WARS2: variants seen among roughly 807,000 people sequenced by gnomAD.
WARS2 encodes the protein tryptophan--tRNA ligase, mitochondrial.
In WARS2, 28 loss-of-function variants were observed where a neutral mutation model predicts 36.5. The observed-to-expected ratio is 0.77, with a 90% CI of 0.57 to 1.05. WARS2 has a LOEUF of 1.05. Ranked by LOEUF, WARS2 falls within the 50% of genes least tolerant of loss-of-function variation. The pLI, the probability that WARS2 is intolerant of heterozygous loss-of-function variation, is 0.00. For missense variants in WARS2, 435 were observed against 456.8 expected (o/e 0.95, Z 0.44); for synonymous variants, 174 against 178.4 (o/e 0.98, Z 0.20).
At chr1:119,066,200 G>A (rs1309667202) in intron 2 of WARS2, among the ~76,000 whole-genome samples, 2 of 152,030 alleles carry the variant, frequency 1.3e-5, no homozygotes, top group Admixed American at 1.3e-4. Context: ...CTACAAGGCT[G>A]GGTGCGGTGG....
chr1:119,049,285 G>A (rs2101145964), intron 2 of WARS2, among the ~76,000 whole-genome samples: 1 of 152,182 alleles, frequency 6.6e-6, no homozygotes, highest in South Asian at 2.1e-4. Flanking sequence ...AACTCCAGGG[G>A]AAAACCATCT....
At chr1:119,140,341 C>G (rs980481600) in intron 1 of WARS2, 6 of 403,522 alleles carry the variant, frequency 1.5e-5, no homozygotes, top group Non-Finnish European at 2.6e-5. Flanking sequence ...GAAAGCGGCG[C>G]GCTTTTTCCA....
intron 1 of WARS2, among the ~76,000 whole-genome samples, chr1:119,113,031 G>T (rs756716447): frequency 6.6e-6 from 1 of 152,188 alleles, no homozygotes. Flanking sequence ...TGATGAGGTT[G>T]AAACATAGTT....
chr1:119,084,997 T>C, intron 1 of WARS2: 1 of 588,906 alleles, frequency 1.7e-6, no homozygotes, highest in Non-Finnish European at 3.1e-6. Flanking sequence ...CTGAACAGTC[T>C]TCAGTGACGC....
In WARS2 at chr1:119,076,419, C is replaced by T. The variant is rs1429638438; in HGVS notation, c.279G>A (p.Leu93=). The part of the protein sequence containing the change: ...QDPAVLRQSI[L]DMTAVLLACG... ...AGGCAAGAAGAACAGCAGTCATGTC[C>T]AGGATGCTCTGCCGAAGGACAGCTG... Residue 93 remains leucine, a synonymous_variant, in exon 2 of 6, where the codon CTG becomes CTA. Coordinates refer to ENST00000235521, the MANE Select transcript of WARS2 (RefSeq NM_015836.4). The T allele has an allele frequency of 6.2e-7, 1 of 1,614,078 alleles. No individual in the cohort carries two copies. The highest frequency in any genetic ancestry group is 1.3e-5 in the African/African-American group (1 of 75,004).
intron 1 of WARS2, among the ~76,000 whole-genome samples, chr1:119,138,840 G>A (rs1656714847): frequency 6.6e-6 from 1 of 152,078 alleles, no homozygotes; most frequent in Admixed American, 6.5e-5. Context: ...TCTACATCTT[G>A]AAACAATCTA....
intron 2 of WARS2, among the ~76,000 whole-genome samples, chr1:119,067,608 G>T (rs1213632319): frequency 6.6e-6 from 1 of 152,160 alleles, no homozygotes; most frequent in Non-Finnish European, 1.5e-5. Context: ...ATATCAAGGA[G>T]CCTAGGGTGG....
intron 2 of WARS2, among the ~76,000 whole-genome samples, chr1:119,065,834 A>G (rs1650797738): frequency 6.6e-6 from 1 of 152,126 alleles, no homozygotes; most frequent in East Asian, 1.9e-4. Context: ...AATAAATTAG[A>G]ATTTTAGAAA....
chr1:119,130,510 A>G (rs1656024350), intron 1 of WARS2, among the ~76,000 whole-genome samples: 1 of 152,238 alleles, frequency 6.6e-6, no homozygotes, highest in South Asian at 2.1e-4. Flanking sequence ...AAATTGTTGA[A>G]ATAAAATTGG....
chr1:119,067,393 T>C (rs1650963615), intron 2 of WARS2, among the ~76,000 whole-genome samples: 1 of 152,232 alleles, frequency 6.6e-6, no homozygotes, highest in Non-Finnish European at 1.5e-5. Flanking sequence ...ATGAAGCAAG[T>C]ATGCCAAAAG....
At chr1:119,127,215 G>T in intron 1 of WARS2, 1 of 733,998 alleles carries the variant, frequency 1.4e-6, no homozygotes, top group Non-Finnish European at 2.5e-6. Flanking sequence ...ATCCTTCTTC[G>T]AAAATGGATC....
intron 1 of WARS2, among the ~76,000 whole-genome samples, chr1:119,137,939 A>G (rs992968040): frequency 1.3e-5 from 2 of 152,208 alleles, no homozygotes; most frequent in Non-Finnish European, 2.9e-5. Flanking sequence ...CCATTAAAAC[A>G]ACTTAGGAAT....
chr1:119,131,030 A>G (rs1656059002), intron 1 of WARS2, among the ~76,000 whole-genome samples: 1 of 152,196 alleles, frequency 6.6e-6, no homozygotes, highest in African/African-American at 2.4e-5. Context: ...TCTTCCATCT[A>G]TCTTAAAGCA....
chr1:119,071,990 CT>C (rs1240060061), intron 2 of WARS2, among the ~76,000 whole-genome samples: 2 of 152,082 alleles, frequency 1.3e-5, no homozygotes, highest in East Asian at 1.9e-4. Flanking sequence ...GAAAAAAAGA[CT>C]TTTTTTCTTG....
At chr1:119,098,719 G>A (rs1042290916) in intron 1 of WARS2, among the ~76,000 whole-genome samples, 23 of 151,304 alleles carry the variant, frequency 1.5e-4, no homozygotes, top group Non-Finnish European at 2.8e-4. Context: ...GATTACAGGC[G>A]TGAGCCACCA....
intron 1 of WARS2, among the ~76,000 whole-genome samples, chr1:119,097,876 A>C (rs898894680): frequency 6.6e-6 from 1 of 152,156 alleles, no homozygotes; most frequent in Non-Finnish European, 1.5e-5. Context: ...TGATGGATGA[A>C]GATAGAGGCA....
At chr1:119,060,982 C>CTGGCA (rs1650329460) in intron 2 of WARS2, among the ~76,000 whole-genome samples, 3 of 152,240 alleles carry the variant, frequency 2.0e-5, no homozygotes, top group Admixed American at 2.0e-4. Flanking sequence ...AGCTGTCCAA[C>CTGGCA]AATGGCTAAA....
intron 1 of WARS2, among the ~76,000 whole-genome samples, chr1:119,111,878 T>C (rs958253924): frequency 3.3e-5 from 5 of 152,162 alleles, no homozygotes; most frequent in Non-Finnish European, 7.3e-5. Flanking sequence ...TGTGACCTCA[T>C]TTCTTTGACA....
intron 1 of WARS2, among the ~76,000 whole-genome samples, chr1:119,110,150 T>C (rs1301565020): frequency 6.6e-6 from 1 of 152,038 alleles, no homozygotes; most frequent in South Asian, 2.1e-4. Context: ...TTTGAATGAA[T>C]TGTTATCTAT....
Sources: allele counts gnomAD v4.1 joint callset (sites outside exome capture counted in the v4.1 genomes callset), GRCh38; gene constraint gnomAD v4.1.1; transcripts MANE v1.5; gene names NCBI Gene and HGNC (gene_info 2026-07-23, HGNC 2026-07-21).